CSMD1: variants seen among roughly 807,000 people sequenced by gnomAD.
CSMD1 encodes the protein CUB and sushi domain-containing protein 1.
Under a neutral mutation model 417.5 loss-of-function variants are expected in CSMD1, and 213 were observed. That is an observed-to-expected ratio of 0.51 (90% confidence interval 0.46 to 0.57). The LOEUF (loss-of-function observed/expected upper bound fraction) is 0.57. CSMD1 is among the 20% of genes least tolerant of loss of function. The pLI is 0.00. For missense variants in CSMD1, 6,923 were observed against 4,529.7 expected (o/e 1.53, Z -15.17); for synonymous variants, 2,862 against 1,736.8 (o/e 1.65, Z -16.11).
At chr8:4,551,155 C>T (rs1797853621) in intron 2 of CSMD1, among the ~76,000 whole-genome samples, 1 of 152,260 alleles carries the variant, frequency 6.6e-6, no homozygotes, top group Admixed American at 6.5e-5. Context: ...ATGTGGAGAT[C>T]CTGTGTATCT....
intron 33 of CSMD1, among the ~76,000 whole-genome samples, chr8:3,197,019 C>G (rs976108149): frequency 2.0e-5 from 3 of 152,158 alleles, no homozygotes; most frequent in Non-Finnish European, 4.4e-5. Flanking sequence ...TCCAAATGTA[C>G]CCTTCTGCTC....
At chr8:4,272,807 C>T (rs1006475009) in intron 3 of CSMD1, among the ~76,000 whole-genome samples, 6 of 152,130 alleles carry the variant, frequency 3.9e-5, no homozygotes, top group African/African-American at 1.4e-4. Context: ...TCTAACTCAC[C>T]ACTATATACC....
rs117477264 is a variant in CSMD1, at chr8:2,968,314, G to A, written c.8924-1568C>T. On this transcript the variant is annotated intron_variant, in intron 57 of 69. Coordinates refer to ENST00000635120, the MANE Select transcript of CSMD1 (RefSeq NM_033225.6). The stretch of plus-strand genomic sequence containing the variant: ...GGTCCAATTCATAGTTTAACAAACC[G>A]AAAGAGGACACTGATGTTATTGTTA... Among the ~76,000 whole-genome samples, 349 of 152,292 alleles carry A rather than the reference G, an allele frequency of 2.3e-3. 1 individual carries two copies. Among genetic ancestry groups the A allele is most frequent in the Non-Finnish European group, 3.7e-3 (252 of 68,022 alleles).
At chr8:4,368,859 C>G (rs550049913) in intron 3 of CSMD1, among the ~76,000 whole-genome samples, 1 of 152,164 alleles carries the variant, frequency 6.6e-6, no homozygotes, top group Admixed American at 6.5e-5. Flanking sequence ...TAAAATTAAT[C>G]TATCTCACAG....
At chr8:4,812,356 A>C (rs533454338) in intron 1 of CSMD1, among the ~76,000 whole-genome samples, 2 of 152,226 alleles carry the variant, frequency 1.3e-5, no homozygotes, top group Admixed American at 1.3e-4. Context: ...TTTTTGGTAC[A>C]AACATTCAGT....
At chr8:3,687,199 C>G (rs1166218828) in intron 7 of CSMD1, among the ~76,000 whole-genome samples, 1 of 152,266 alleles carries the variant, frequency 6.6e-6, no homozygotes, top group Non-Finnish European at 1.5e-5. Flanking sequence ...AGGCAACCTT[C>G]CATCTTGGTT....
At chr8:4,595,660 G>A (rs1011797558) in intron 2 of CSMD1, among the ~76,000 whole-genome samples, 1 of 152,068 alleles carries the variant, frequency 6.6e-6, no homozygotes, top group Admixed American at 6.6e-5. Flanking sequence ...CCAGCTACTG[G>A]GGAGGCTGAG....
At position 4,265,954 on chromosome 8, in the gene CSMD1, T is replaced by C. The variant is rs546280391; in HGVS notation, c.415+153999A>G. Among the ~76,000 whole-genome samples the C allele has an allele frequency of 2.9e-3, 298 of 103,528 alleles. 46 individuals are homozygous for C. Among genetic ancestry groups the C allele is most frequent in the African/African-American group, 7.5e-3 (287 of 38,056 alleles). The allele number at this position is 103,528 out of a possible 152,430, so 67.9% of individuals were successfully genotyped here. On this transcript the variant is annotated intron_variant, in intron 3 of 69. Transcript: ENST00000635120. ...CCATTGCCCAGGAGACGGGGAACCA[T>C]GGCCCCCACTGTATTCCATGCCTAC... is the stretch of plus-strand genomic sequence containing the variant.
At chr8:4,231,545 C>A (rs1163246920) in intron 3 of CSMD1, among the ~76,000 whole-genome samples, 1 of 151,970 alleles carries the variant, frequency 6.6e-6, no homozygotes, top group African/African-American at 2.4e-5. Context: ...GTGTTAAAGG[C>A]TAAGCAATGA....
At chr8:3,670,704 G>A (rs1368104027) in intron 7 of CSMD1, among the ~76,000 whole-genome samples, 1 of 147,628 alleles carries the variant, frequency 6.8e-6, no homozygotes, top group Non-Finnish European at 1.5e-5. Flanking sequence ...ATGTATATGG[G>A]ATATATATGT....
At chr8:3,716,246 C>G (rs1801825710) in intron 6 of CSMD1, among the ~76,000 whole-genome samples, 1 of 152,108 alleles carries the variant, frequency 6.6e-6, no homozygotes. Flanking sequence ...ATCCAGACCC[C>G]AAGAGAGTGT....
At position 4,211,273 on chromosome 8, in the gene CSMD1, G is replaced by C. The variant is rs562887233; in HGVS notation, c.416-179174C>G. Among the ~76,000 whole-genome samples the C allele has an allele frequency of 9.9e-5, 15 of 151,872 alleles. No homozygotes were observed. The South Asian group carries it at 1.0e-3, about 11-fold the overall frequency. On this transcript the variant is annotated intron_variant, in intron 3 of 69. Coordinates refer to ENST00000635120, the MANE Select transcript of CSMD1 (RefSeq NM_033225.6). ...GAAAAGAAACTGAAAGAAATCCAAAGATTGATCCCTTTTCTTTGGTTCTTT... is the reference window on the plus strand; with the variant it reads ...GAAAAGAAACTGAAAGAAATCCAAACATTGATCCCTTTTCTTTGGTTCTTT...
chr8:3,907,631 G>C (rs924356172), intron 5 of CSMD1, among the ~76,000 whole-genome samples: 1 of 152,166 alleles, frequency 6.6e-6, no homozygotes, highest in Non-Finnish European at 1.5e-5. Flanking sequence ...CAGGCTCATT[G>C]ATGAGATGCC....
intron 1 of CSMD1, among the ~76,000 whole-genome samples, chr8:4,654,921 A>G (rs1804133110): frequency 6.6e-6 from 1 of 152,076 alleles, no homozygotes; most frequent in African/African-American, 2.4e-5. Flanking sequence ...CCCATGTAAC[A>G]AACCTGCACA....
At chr8:3,963,427 C>G (rs1478984612) in intron 5 of CSMD1, among the ~76,000 whole-genome samples, 1 of 152,104 alleles carries the variant, frequency 6.6e-6, no homozygotes, top group African/African-American at 2.4e-5. Context: ...TTGAAAATAT[C>G]TCGCTGGTCT....
At chr8:3,602,176 C>A (rs573936338) in intron 8 of CSMD1, among the ~76,000 whole-genome samples, 1 of 152,162 alleles carries the variant, frequency 6.6e-6, no homozygotes, top group East Asian at 1.9e-4. Context: ...CACAATTAAA[C>A]ATTCTCTTTA....
At chr8:3,986,521 T>C (rs950964178) in intron 5 of CSMD1, among the ~76,000 whole-genome samples, 1 of 152,184 alleles carries the variant, frequency 6.6e-6, no homozygotes, top group Non-Finnish European at 1.5e-5. Flanking sequence ...TCCTTTCTTT[T>C]TCTACTCCCA....
At chr8:3,524,011 G>A (rs554634700) in intron 10 of CSMD1, among the ~76,000 whole-genome samples, 2 of 115,260 alleles carry the variant, frequency 1.7e-5, no homozygotes, top group East Asian at 2.8e-4. Context: ...ATGCACACAT[G>A]TGCACGTGCA....
intron 2 of CSMD1, among the ~76,000 whole-genome samples, chr8:4,611,473 T>C (rs142602031): frequency 6.6e-6 from 1 of 152,288 alleles, no homozygotes; most frequent in Non-Finnish European, 1.5e-5. Context: ...GATTGTATAG[T>C]TTTCTTCAAA....
Sources: allele counts gnomAD v4.1 joint callset (sites outside exome capture counted in the v4.1 genomes callset), GRCh38; gene constraint gnomAD v4.1.1; transcripts MANE v1.5; gene names NCBI Gene and HGNC (gene_info 2026-07-23, HGNC 2026-07-21).